ARID2: variants seen among roughly 807,000 people sequenced by gnomAD.
ARID2 encodes AT-rich interactive domain-containing protein 2.
In ARID2, 32 loss-of-function variants were observed where a neutral mutation model predicts 184.6. The ratio of observed to expected loss-of-function variants is 0.17; its 90% CI spans 0.13 to 0.23. ARID2 has a LOEUF of 0.23. ARID2 is among the 10% of genes least tolerant of loss of function. The probability of loss-of-function intolerance (pLI) is 1.00; values close to 1 mark genes in which losing one functional copy is unlikely to be tolerated. For synonymous variants in ARID2, 836 were observed against 772.6 expected (o/e 1.08, Z -1.36); for missense variants, 1,696 against 2,197.6 (o/e 0.77, Z 4.56).
At chr12:45,805,635 C>A (rs1460889847) in intron 3 of ARID2, among the ~76,000 whole-genome samples, 1 of 151,996 alleles carries the variant, frequency 6.6e-6, no homozygotes, top group Non-Finnish European at 1.5e-5. Context: ...TATTGAGGTA[C>A]AATTGACTAA....
At chr12:45,761,907 G>A (rs549899495) in intron 3 of ARID2, among the ~76,000 whole-genome samples, 1 of 151,544 alleles carries the variant, frequency 6.6e-6, no homozygotes, top group East Asian at 1.9e-4. Context: ...TCTTTTTGTC[G>A]CTTTCTGAGA....
intron 15 of ARID2, among the ~76,000 whole-genome samples, chr12:45,856,067 CTTTTT>C (rs930473740): frequency 4.0e-5 from 3 of 74,630 alleles, no homozygotes; most frequent in Non-Finnish European, 7.7e-5. Context: ...TTCTTCTTTT[CTTTTT>C]TTTTTTTTTT....
At chr12:45,899,143 G>A (rs1055767452) in intron 20 of ARID2, among the ~76,000 whole-genome samples, 65 of 146,256 alleles carry the variant, frequency 4.4e-4, no homozygotes, top group African/African-American at 1.5e-3. Context: ...GTGGTGGCGC[G>A]TACCTGTAGT....
chr12:45,729,787 G>A lies in ARID2; in HGVS notation c.-50G>A, dbSNP rs923153272. 2 of 1,524,614 alleles carry A rather than the reference G, an allele frequency of 1.3e-6. No homozygotes were observed. The highest frequency in any genetic ancestry group is 2.8e-5 in the African/African-American group (2 of 72,658). 94.4% of individuals were successfully genotyped at this position (1,524,614 alleles called of 1,614,324 possible). ...GTAGGAAGCGCTGGGAGCGGGGGGC[G>A]CTTTTAAAACACCGATCTGGGTTTT... On this transcript the variant is annotated 5_prime_UTR_variant, in exon 1 of 21. Transcript: ENST00000334344.
At chr12:45,839,224 G>A in intron 10 of ARID2, 105 bp from the exon 11 acceptor site, 5 of 1,079,404 alleles carry the variant, frequency 4.6e-6, no homozygotes, top group Non-Finnish European at 6.5e-6. Flanking sequence ...TCATGGACTA[G>A]CATTTATTCA....
intron 16 of ARID2, among the ~76,000 whole-genome samples, chr12:45,874,980 G>A (rs1271743523): frequency 5.3e-5 from 8 of 152,120 alleles, no homozygotes. Flanking sequence ...AAAAATAGGT[G>A]GTGATGGTGG....
intron 20 of ARID2, among the ~76,000 whole-genome samples, chr12:45,903,435 ACT>A (rs1390263183): frequency 1.3e-5 from 2 of 152,140 alleles, no homozygotes; most frequent in Non-Finnish European, 2.9e-5. Flanking sequence ...ATCAATTGAC[ACT>A]CTATAGAAAT....
At chr12:45,872,338 C>G (rs80304940) in intron 16 of ARID2, among the ~76,000 whole-genome samples, 1 of 152,108 alleles carries the variant, frequency 6.6e-6, no homozygotes, top group African/African-American at 2.4e-5. Context: ...TCCTCTAGTT[C>G]GAAATATTGC....
At chr12:45,855,163 G>T (rs1258214320) in intron 15 of ARID2, among the ~76,000 whole-genome samples, 2 of 152,110 alleles carry the variant, frequency 1.3e-5, no homozygotes, top group African/African-American at 4.8e-5. Context: ...GGTTATTTGA[G>T]CTGTGGTGTT....
Position 45,905,574 on chromosome 12 carries a change from A to G in ARID2, c.*496A>G, listed in dbSNP as rs1177767729. 3 of 233,122 alleles carry G rather than the reference A, an allele frequency of 1.3e-5. No homozygotes were observed. The highest frequency in any genetic ancestry group is 4.4e-5 in the African/African-American group (2 of 45,320). 14.4% of individuals were successfully genotyped at this position (233,122 alleles called of 1,614,324 possible). A position where few individuals can be genotyped will look rare whatever the true frequency, so the allele number is the denominator to read the frequency against. ...CCCCCGATCTCAGAGGGGGCCACCA[A>G]TATCTAGCTATGGATCGTGTGTTTT... On this transcript the variant is annotated 3_prime_UTR_variant, in exon 21 of 21. Coordinates refer to ENST00000334344, the MANE Select transcript of ARID2 (RefSeq NM_152641.4).
At chr12:45,884,241 C>T (rs1029616416) in intron 16 of ARID2, among the ~76,000 whole-genome samples, 1 of 151,994 alleles carries the variant, frequency 6.6e-6, no homozygotes, top group Admixed American at 6.6e-5. Context: ...ACTAAAAATA[C>T]AAAAATTAGC....
At chr12:45,755,208 G>A (rs1046477700) in intron 3 of ARID2, among the ~76,000 whole-genome samples, 117 of 152,336 alleles carry the variant, frequency 7.7e-4, no homozygotes, top group African/African-American at 2.6e-3. Flanking sequence ...TAGTGAGGAT[G>A]TGAGATTTGG....
intron 16 of ARID2, among the ~76,000 whole-genome samples, chr12:45,862,679 A>G (rs1943768667): frequency 1.3e-5 from 2 of 152,184 alleles, no homozygotes; most frequent in African/African-American, 4.8e-5. Flanking sequence ...CCTCATGTCT[A>G]AAAAGATAAA....
rs1944530080 is a variant in ARID2 at position 45,906,294 on chromosome 12, C to T, written c.*1216C>T. On this transcript the variant is annotated 3_prime_UTR_variant, in exon 21 of 21. Coordinates refer to ENST00000334344, the MANE Select transcript of ARID2 (RefSeq NM_152641.4). Reference sequence around the variant, plus strand: ...TTCTTCCATTCTTAATACTGTACCACATTCCTGCTCAGAAACTGCTCACTT... The same window carrying T: ...TTCTTCCATTCTTAATACTGTACCATATTCCTGCTCAGAAACTGCTCACTT... 1 of 233,144 alleles carries T rather than the reference C, an allele frequency of 4.3e-6. No homozygotes were observed. 14.4% of individuals were successfully genotyped at this position (233,144 alleles called of 1,614,324 possible). A position where few individuals can be genotyped will look rare whatever the true frequency, so the allele number is the denominator to read the frequency against.
intron 16 of ARID2, among the ~76,000 whole-genome samples, chr12:45,885,524 G>GA (rs1258811031): frequency 6.6e-6 from 1 of 152,016 alleles, no homozygotes; most frequent in Admixed American, 6.6e-5. Context: ...GGCCACCAAA[G>GA]AAAAATAGCC....
At chr12:45,787,619 T>C (rs948628830) in intron 3 of ARID2, among the ~76,000 whole-genome samples, 5 of 152,148 alleles carry the variant, frequency 3.3e-5, no homozygotes, top group African/African-American at 9.7e-5. Flanking sequence ...ATAGAAAATA[T>C]ATCACTGCTA....
rs770141287 is a variant in ARID2, at chr12:45,852,101, A to T, written c.3978A>T (p.Pro1326=). 6.2e-7 allele frequency: 1 copy of T among 1,614,160 alleles called. No individual in the cohort carries two copies. The highest frequency in any genetic ancestry group is 8.5e-7 in the Non-Finnish European group (1 of 1,180,010). ...TNQCSLISNG[P]SLELGENGAS... is the part of the protein sequence containing the mutation. ...AGTGCTCACTAATCAGTAATGGGCCATCATTGGAATTAGGTGAGAATGGAG... is the reference window on the plus strand; with the variant it reads ...AGTGCTCACTAATCAGTAATGGGCCTTCATTGGAATTAGGTGAGAATGGAG... The change falls in exon 15 of 21, where the codon CCA becomes CCT. Residue 1326 remains proline, a synonymous_variant. Transcript: ENST00000334344.
intron 16 of ARID2, chr12:45,880,997 T>A (rs1944091017): frequency 5.1e-6 from 1 of 195,504 alleles, no homozygotes. Flanking sequence ...TTTGAGGCAT[T>A]GGAGAAGCCA....
At chr12:45,868,983 TGCCAAGAAAG>T (rs1423569136) in intron 16 of ARID2, among the ~76,000 whole-genome samples, 1 of 151,872 alleles carries the variant, frequency 6.6e-6, no homozygotes, top group Admixed American at 6.6e-5. Flanking sequence ...TTCTCGAGAT[TGCCAAGAAAG>T]GCATGTTGGG....
Sources: allele counts gnomAD v4.1 joint callset (sites outside exome capture counted in the v4.1 genomes callset), GRCh38; gene constraint gnomAD v4.1.1; transcripts MANE v1.5; gene names NCBI Gene and HGNC (gene_info 2026-07-23, HGNC 2026-07-21).